The following RALGPS1 variants were observed in gnomAD, a reference collection of about 807,000 sequenced individuals.
RALGPS1 encodes the protein ras-specific guanine nucleotide-releasing factor RalGPS1.
A neutral mutation model predicts 78.8 loss-of-function variants in RALGPS1; 19 were observed. The ratio of observed to expected loss-of-function variants is 0.24; its 90% CI spans 0.17 to 0.35. RALGPS1 has a LOEUF of 0.35. Among genes scored for constraint, RALGPS1 ranks in the 10% least tolerant of loss-of-function variants. RALGPS1 has a pLI of 1.00. For synonymous variants in RALGPS1, 228 were observed against 256.3 expected (o/e 0.89, Z 1.06); for missense variants, 454 against 688.3 (o/e 0.66, Z 3.81).
At chr9:126,996,112 A>G (rs2042725503) in intron 4 of RALGPS1, among the ~76,000 whole-genome samples, 1 of 152,226 alleles carries the variant, frequency 6.6e-6, no homozygotes, top group South Asian at 2.1e-4. Context: ...TGACATCACA[A>G]TTAAAAGAAC....
intron 8 of RALGPS1, among the ~76,000 whole-genome samples, chr9:127,095,126 C>T (rs146128349): frequency 4.6e-5 from 7 of 152,342 alleles, no homozygotes; most frequent in Middle Eastern, 3.4e-3. Context: ...GGGCCGGGCA[C>T]GGTGGCTCAC....
intron 1 of RALGPS1, among the ~76,000 whole-genome samples, chr9:126,957,011 A>G (rs762567776): frequency 6.6e-6 from 1 of 152,206 alleles, no homozygotes. Context: ...CCACTAACTC[A>G]CAGCAAGTCA....
chr9:126,953,336 TAGC>T (rs1424779042), intron 1 of RALGPS1, among the ~76,000 whole-genome samples: 1 of 152,082 alleles, frequency 6.6e-6, no homozygotes, highest in Non-Finnish European at 1.5e-5. Context: ...AGGGAGGAAT[TAGC>T]AGCCAGAGTA....
At chr9:126,936,674 T>C (rs1167384685) in intron 1 of RALGPS1, among the ~76,000 whole-genome samples, 2 of 152,100 alleles carry the variant, frequency 1.3e-5, no homozygotes, top group Non-Finnish European at 2.9e-5. Context: ...CCAGCCAAGA[T>C]GTCAGTGAGG....
chr9:127,168,733 T>C lies in RALGPS1; in HGVS notation c.803T>C (p.Ile268Thr). Residue 268 changes from isoleucine (I) to threonine (T), a missense_variant, in exon 10 of 19, where the codon ATT (isoleucine) becomes ACT (threonine). Physicochemically the swap from Ile to Thr is moderately conservative, Grantham distance 89 (BLOSUM62 -1). Coordinates refer to ENST00000259351, the MANE Select transcript of RALGPS1 (RefSeq NM_014636.3). The part of the protein sequence containing the change: ...VQKYLKSVRY[I>T]EELQKFVEDD... ...AAGTACCTGAAGTCCGTACGCTACA[T>C]TGAAGAGCTCCAGAAGTTTGTGGAA... 2.5e-6 allele frequency: 4 copies of C among 1,613,814 alleles called. No homozygotes were observed. The highest frequency in any genetic ancestry group is 3.4e-6 in the Non-Finnish European group (4 of 1,179,674).
At chr9:127,125,258 G>A (rs546545307) in intron 8 of RALGPS1, among the ~76,000 whole-genome samples, 1 of 152,200 alleles carries the variant, frequency 6.6e-6, no homozygotes, top group South Asian at 2.1e-4. Flanking sequence ...TGCTTCCTTC[G>A]TTGGGCTGTG....
At chr9:127,158,670 C>G (rs979693178) in intron 8 of RALGPS1, among the ~76,000 whole-genome samples, 1 of 148,996 alleles carries the variant, frequency 6.7e-6, no homozygotes, top group Non-Finnish European at 1.5e-5. Context: ...AAATTGTTTT[C>G]TCGTTTCTTT....
At chr9:126,961,651 T>C (rs998967637) in intron 1 of RALGPS1, among the ~76,000 whole-genome samples, 7 of 152,048 alleles carry the variant, frequency 4.6e-5, no homozygotes, top group African/African-American at 9.7e-5. Flanking sequence ...AAACAATTAG[T>C]GGAGCATGGT....
intron 8 of RALGPS1, among the ~76,000 whole-genome samples, chr9:127,144,727 G>C (rs903996966): frequency 9.2e-5 from 14 of 152,354 alleles, no homozygotes; most frequent in South Asian, 2.1e-4. Flanking sequence ...AAAACGCTAA[G>C]TGAAAGAAGC....
chr9:126,996,583 A>T (rs958643259), intron 4 of RALGPS1, among the ~76,000 whole-genome samples: 3 of 152,242 alleles, frequency 2.0e-5, no homozygotes, highest in Admixed American at 2.0e-4. Context: ...ATGGATTCAC[A>T]GCCGAATTCT....
At chr9:126,981,242 CTGGAAGAAGAA>C (rs1283946395) in intron 4 of RALGPS1, among the ~76,000 whole-genome samples, 2 of 152,248 alleles carry the variant, frequency 1.3e-5, no homozygotes, top group East Asian at 3.9e-4. Context: ...CGGGATGGTC[CTGGAAGAAGAA>C]TGTTCCAGGT....
intron 1 of RALGPS1, among the ~76,000 whole-genome samples, chr9:126,957,115 A>G (rs1316848826): frequency 1.3e-5 from 2 of 152,242 alleles, no homozygotes; most frequent in Non-Finnish European, 1.5e-5. Flanking sequence ...TGTGATGCTT[A>G]GCCGGGTGCC....
chr9:126,941,011 C>T (rs2036726815), intron 1 of RALGPS1, among the ~76,000 whole-genome samples: 1 of 152,154 alleles, frequency 6.6e-6, no homozygotes, highest in East Asian at 1.9e-4. Flanking sequence ...CATTAAGAGG[C>T]AGTGATATTA....
At position 127,191,729 on chromosome 9, in the gene RALGPS1, A is replaced by G. The variant is rs113547104; in HGVS notation, c.911-3362A>G. Among the ~76,000 whole-genome samples the G allele has an allele frequency of 3.5e-3, 425 of 120,164 alleles. 4 individuals are homozygous for G. The highest frequency in any genetic ancestry group is 0.012 in the African/African-American group (387 of 31,016). The allele number at this position is 120,164 out of a possible 152,430, so 78.8% of individuals were successfully genotyped here. ...TTTTTTTTTTTTGAGATGGAGTCTC[A>G]CTCTGTCACCCAGGCTGGAGTGCAG... On this transcript the variant is annotated intron_variant, in intron 11 of 18. Transcript: ENST00000259351.
At position 127,212,985 on chromosome 9, in the gene RALGPS1, G is replaced by T; in HGVS notation, c.1488G>T (p.Trp496Cys). ...TPGKKVSIVG[W>C]MVQLPDDPEH... ...GCAAAAAGGTTTCCATCGTGGGCTGGATGGTGCAGCTGCCCGATGACCCCG... is the reference window on the plus strand; with the variant it reads ...GCAAAAAGGTTTCCATCGTGGGCTGTATGGTGCAGCTGCCCGATGACCCCG... The change falls in exon 17 of 19, where the codon TGG becomes TGT. Residue 496 changes from tryptophan to cysteine, a missense_variant. Coordinates refer to ENST00000259351, the MANE Select transcript of RALGPS1 (RefSeq NM_014636.3). The surrounding 1 kb of genome is among the most constrained non-coding windows in gnomAD (Gnocchi z 6.0). 6.2e-7 allele frequency: 1 copy of T among 1,614,228 alleles called. No individual in the cohort carries two copies. Among genetic ancestry groups the T allele is most frequent in the Non-Finnish European group, 8.5e-7 (1 of 1,180,040 alleles).
intron 8 of RALGPS1, among the ~76,000 whole-genome samples, chr9:127,095,470 A>AT (rs2053020823): frequency 6.6e-6 from 1 of 152,244 alleles, no homozygotes; most frequent in African/African-American, 2.4e-5. Flanking sequence ...AGAAAGTACC[A>AT]TTGTATGTTT....
intron 7 of RALGPS1, among the ~76,000 whole-genome samples, chr9:127,067,584 CT>C (rs1022499367): frequency 1.3e-5 from 2 of 152,240 alleles, no homozygotes; most frequent in African/African-American, 4.8e-5. Flanking sequence ...CATTTTCCCA[CT>C]CCTCTCCATT....
At chr9:127,151,318 C>A (rs955934) in intron 8 of RALGPS1, among the ~76,000 whole-genome samples, 56,634 of 151,800 alleles carry the variant, frequency 0.37, 12,489 homozygotes, top group Non-Finnish European at 0.48. Flanking sequence ...TTATGGCATC[C>A]AAAATCCTAT....
At chr9:127,185,962 T>C (rs1386579287) in intron 11 of RALGPS1, among the ~76,000 whole-genome samples, 1 of 152,198 alleles carries the variant, frequency 6.6e-6, no homozygotes, top group Non-Finnish European at 1.5e-5. Flanking sequence ...TGAGGTGACC[T>C]ACTCAAGGTC....
Sources: gnomAD v4.1 joint callset for allele counts (sites outside exome capture counted in the v4.1 genomes callset) on GRCh38, gnomAD v4.1.1 for gene constraint, Gnocchi (gnomAD v3.1) non-coding constraint, MANE v1.5 for transcripts, NCBI Gene and HGNC (gene_info 2026-07-23, HGNC 2026-07-21) for gene names.